The following TEAD2 variants were observed in gnomAD, a reference collection of about 807,000 sequenced individuals.
TEAD2 encodes the protein transcriptional enhancer factor TEF-4.
A neutral mutation model predicts 61.4 loss-of-function variants in TEAD2; 51 were observed. The ratio of observed to expected loss-of-function variants is 0.83; its 90% CI spans 0.66 to 1.05. The LOEUF (loss-of-function observed/expected upper bound fraction) is 1.05, where lower values mean the gene tolerates loss of function less well. Ranked by LOEUF, TEAD2 falls within the 50% of genes least tolerant of loss-of-function variation. The pLI, the probability that TEAD2 is intolerant of heterozygous loss-of-function variation, is 0.00. For synonymous variants in TEAD2, 244 were observed against 243.2 expected (o/e 1.00, Z -0.03); for missense variants, 509 against 600.0 (o/e 0.85, Z 1.58).
chr19:49,352,525 A>G (rs1034614698), intron 7 of TEAD2, among the ~76,000 whole-genome samples: 1 of 152,074 alleles, frequency 6.6e-6, no homozygotes, highest in Non-Finnish European at 1.5e-5. Context: ...CCTGGGCAAC[A>G]CAGCAAGACC....
Position 49,342,682 on chromosome 19 carries a change from C to T in TEAD2, c.1090-92G>A, listed in dbSNP as rs1015380279. ...AGCTCCACCCTGTGCCTCTAAGATG[C>T]CACCACACTCACTCTCACTGCCACC... On this transcript the variant is annotated intron_variant, in intron 11 of 12. Coordinates refer to ENST00000593945, the MANE Select transcript of TEAD2 (RefSeq NM_001256660.2). The T allele has an allele frequency of 2.2e-5, 32 of 1,486,490 alleles. 1 individual carries two copies. The African/African-American group carries it at 3.9e-4, about 18-fold the overall frequency. 92.1% of individuals were successfully genotyped at this position (1,486,490 alleles called of 1,614,324 possible).
At chr19:49,344,123 A>C (rs890337366) in intron 10 of TEAD2, among the ~76,000 whole-genome samples, 7 of 152,098 alleles carry the variant, frequency 4.6e-5, no homozygotes, top group African/African-American at 1.7e-4. Flanking sequence ...CTGGGATTAC[A>C]GGCATGAGCC....
chr19:49,359,643 C>A lies in TEAD2; in HGVS notation c.233-144G>T. ...CCGGTCCCCTCAGCTACGTGGAAGC[C>A]AGACTGCTTGGGTTCAAATCCCAGC... On this transcript the variant is annotated intron_variant, in intron 2 of 12. Transcript: ENST00000593945. This position sits in a 1 kb window ranked among gnomAD's most constrained non-coding sequence, Gnocchi z 4.1. The A allele has an allele frequency of 9.0e-7, 1 of 1,105,180 alleles. No homozygotes were observed. 68.5% of individuals were successfully genotyped at this position (1,105,180 alleles called of 1,614,324 possible). A position where few individuals can be genotyped will look rare whatever the true frequency, so the allele number is the denominator to read the frequency against.
At position 49,348,847 on chromosome 19, in the gene TEAD2, T is replaced by TGGG; in HGVS notation, c.605-3_605-2insCCC. The TGGG allele has an allele frequency of 6.5e-7, 1 of 1,534,158 alleles. No individual in the cohort carries two copies. Among genetic ancestry groups the TGGG allele is most frequent in the South Asian group, 1.2e-5 (1 of 81,216 alleles). On this transcript the variant is annotated splice_polypyrimidine_tract_variant and splice_region_variant and intron_variant, in intron 8 of 12. Coordinates refer to ENST00000593945, the MANE Select transcript of TEAD2 (RefSeq NM_001256660.2). ...AGAGGGCTTGGGGGGGCTCGTACCC[T>TGGG]AGAGAGAGAGAAGAAAGAACAATAC...
intron 1 of TEAD2, chr19:49,360,463 G>T: frequency 3.9e-6 from 1 of 257,312 alleles, no homozygotes; most frequent in Non-Finnish European, 7.4e-6. Flanking sequence ...GGAAAGCTGA[G>T]GATGGGAGTG....
chr19:49,346,517 T>A (rs1026340257), intron 10 of TEAD2, among the ~76,000 whole-genome samples: 1 of 151,754 alleles, frequency 6.6e-6, no homozygotes, highest in Non-Finnish European at 1.5e-5. Flanking sequence ...ATTAGCCAGA[T>A]GTGGTGGCGG....
chr19:49,342,402 T>C (rs199563005), intron 12 of TEAD2, 36 bp downstream of exon 12: 6 of 1,607,012 alleles, frequency 3.7e-6, no homozygotes, highest in Non-Finnish European at 5.1e-6. Context: ...CCCTCCACAC[T>C]GGGGGGCCCC....
intron 7 of TEAD2, among the ~76,000 whole-genome samples, chr19:49,352,815 C>T (rs1259644025): frequency 6.6e-6 from 1 of 152,064 alleles, no homozygotes; most frequent in Non-Finnish European, 1.5e-5. Flanking sequence ...GCTGGGATTA[C>T]AGGCATGAGC....
chr19:49,343,854 T>TGGGGG (rs201072189), intron 10 of TEAD2, among the ~76,000 whole-genome samples: 12 of 111,288 alleles, frequency 1.1e-4, no homozygotes, highest in East Asian at 5.5e-4. Context: ...GTCTTTTTTT[T>TGGGGG]TGGGGGGGGG....
At chr19:49,349,180 C>A (rs907840223) in intron 8 of TEAD2, 5 of 193,022 alleles carry the variant, frequency 2.6e-5, no homozygotes, top group Non-Finnish European at 3.2e-5. Flanking sequence ...AATGTGATCC[C>A]CAGCTGGGCA....
intron 1 of TEAD2, chr19:49,361,555 G>A (rs1972936140): frequency 6.6e-6 from 1 of 152,124 alleles, no homozygotes; most frequent in Non-Finnish European, 1.5e-5. Flanking sequence ...ACCCCCATCA[G>A]GGGAGGGGCT....
At position 49,360,035 on chromosome 19, in the gene TEAD2, C is replaced by A. The variant is rs757581163; in HGVS notation, c.41G>T (p.Ser14Ile). 5 of 1,608,332 alleles carry A rather than the reference C, an allele frequency of 3.1e-6. No individual in the cohort carries two copies. Among genetic ancestry groups the A allele is most frequent in the Non-Finnish European group, 4.2e-6 (5 of 1,179,894 alleles). The change falls in exon 2 of 13, where the codon AGC becomes ATC. Residue 14 changes from serine (S) to isoleucine (I), a missense_variant. Transcript: ENST00000593945. ...GCCTTCCTCACTGCCCGTCCAGCCG[C>A]TGCCATCGTCCAGGGCGGCCCCAGC... is the stretch of plus-strand genomic sequence containing the variant. ...PRAGAALDDG[S>I]GWTGSEEGSE...
At position 49,355,940 on chromosome 19, in the gene TEAD2, G is replaced by A. The variant is rs1362439865; in HGVS notation, c.372+19C>T. The A allele has an allele frequency of 7.9e-7, 1 of 1,263,140 alleles. No homozygotes were observed. Among genetic ancestry groups the A allele is most frequent in the East Asian group, 3.1e-5 (1 of 32,252 alleles). The allele number at this position is 1,263,140 out of a possible 1,614,324, so 78.2% of individuals were successfully genotyped here. A position where few individuals can be genotyped will look rare whatever the true frequency, so the allele number is the denominator to read the frequency against. On this transcript the variant is annotated intron_variant, in intron 5 of 12. Coordinates refer to ENST00000593945, the MANE Select transcript of TEAD2 (RefSeq NM_001256660.2). Reference sequence around the variant, plus strand: ...AGTTTGGAGTGAGCGTGGGTGGGAGGATGGGCAGAGGAACTTACCACGTTC... The same window carrying A: ...AGTTTGGAGTGAGCGTGGGTGGGAGAATGGGCAGAGGAACTTACCACGTTC...
rs1226397547 is a variant in TEAD2 at position 49,343,352 on chromosome 19, C to A, written c.968G>T (p.Gly323Val). The A allele has an allele frequency of 6.2e-7, 1 of 1,613,312 alleles. No homozygotes were observed. ...GTAGAAGCCACCACTGCTGATGCTGCCACCGGCCCCTGCCTCCTCACCACT... is the reference window on the plus strand; with the variant it reads ...GTAGAAGCCACCACTGCTGATGCTGACACCGGCCCCTGCCTCCTCACCACT... ...GPSGEEAGAG[G>V]SISSGGFYGV... Residue 323 changes from glycine (G) to valine (V), a missense_variant, in exon 11 of 13, where the codon GGC becomes GTC. Physicochemically the swap from Gly to Val is moderately radical, Grantham distance 109. Coordinates refer to ENST00000593945, the MANE Select transcript of TEAD2 (RefSeq NM_001256660.2).
At chr19:49,356,733 G>T (rs1377433880) in intron 4 of TEAD2, among the ~76,000 whole-genome samples, 1 of 152,078 alleles carries the variant, frequency 6.6e-6, no homozygotes, top group African/African-American at 2.4e-5. Flanking sequence ...AGTGGTCAAG[G>T]GAGGGGACCG....
At chr19:49,355,025 A>G (rs552929634) in intron 7 of TEAD2, 123 bp downstream of exon 7, 11 of 605,846 alleles carry the variant, frequency 1.8e-5, no homozygotes, top group Admixed American at 8.3e-5. Context: ...ATACATGCAT[A>G]CATACATACA....
chr19:49,352,044 C>T (rs569119117), intron 7 of TEAD2, among the ~76,000 whole-genome samples: 23 of 142,932 alleles, frequency 1.6e-4, no homozygotes, highest in Middle Eastern at 3.6e-3. Flanking sequence ...AGGGAGAAGA[C>T]GCAGAAGACA....
In TEAD2 at chr19:49,348,864, GAAC is replaced by G. The variant is rs1015784358; in HGVS notation, c.605-22_605-20del. 6.7e-7 allele frequency: 1 copy of G among 1,495,204 alleles called. No individual in the cohort carries two copies. Among genetic ancestry groups the G allele is most frequent in the Middle Eastern group, 1.9e-4 (1 of 5,402 alleles). The allele number at this position is 1,495,204 out of a possible 1,614,324, so 92.6% of individuals were successfully genotyped here. On this transcript the variant is annotated intron_variant, in intron 8 of 12. Coordinates refer to ENST00000593945, the MANE Select transcript of TEAD2 (RefSeq NM_001256660.2). Reference sequence around the variant, plus strand: ...TCGTACCCTAGAGAGAGAGAAGAAAGAACAATACAAATTGCTAACATTTATGGA... The same window carrying G: ...TCGTACCCTAGAGAGAGAGAAGAAAGAATACAAATTGCTAACATTTATGGA...
At chr19:49,346,181 AAAAAC>A (rs1568562158) in intron 10 of TEAD2, among the ~76,000 whole-genome samples, 1 of 147,738 alleles carries the variant, frequency 6.8e-6, no homozygotes. Flanking sequence ...AAAAAAAAAA[AAAAAC>A]AATAAAAGAA....
Sources: gnomAD v4.1 joint callset for allele counts (sites outside exome capture counted in the v4.1 genomes callset) on GRCh38, gnomAD v4.1.1 for gene constraint, Gnocchi (gnomAD v3.1) non-coding constraint, MANE v1.5 for transcripts, NCBI Gene and HGNC (gene_info 2026-07-23, HGNC 2026-07-21) for gene names.